Variants in ADAMTS16 observed in about 807,000 individuals in gnomAD.
ADAMTS16 encodes the protein ADAM metallopeptidase with thrombospondin type 1 motif 16.
Under a neutral mutation model 145.8 loss-of-function variants are expected in ADAMTS16, and 94 were observed. The observed-to-expected ratio is 0.64, with a 90% CI of 0.55 to 0.77. The LOEUF (loss-of-function observed/expected upper bound fraction) is 0.77, where lower values mean the gene tolerates loss of function less well. Ranked by LOEUF, ADAMTS16 falls within the 30% of genes least tolerant of loss-of-function variation. The probability of loss-of-function intolerance (pLI) is 0.00; values close to 1 mark genes in which losing one functional copy is unlikely to be tolerated. For missense variants in ADAMTS16, 1,585 were observed against 1,591.5 expected (o/e 1.00, Z 0.07); for synonymous variants, 659 against 604.3 (o/e 1.09, Z -1.33).
intron 3 of ADAMTS16, among the ~76,000 whole-genome samples, chr5:5,156,308 A>G (rs986992230): frequency 6.6e-6 from 1 of 151,890 alleles, no homozygotes; most frequent in East Asian, 1.9e-4. Flanking sequence ...TTTATCCCCA[A>G]CACTTTCAAT....
At chr5:5,179,842 T>G (rs1403708562) in intron 3 of ADAMTS16, among the ~76,000 whole-genome samples, 1 of 152,206 alleles carries the variant, frequency 6.6e-6, no homozygotes, top group African/African-American at 2.4e-5. Flanking sequence ...TCTACCAAGC[T>G]TACCTTTGTC....
intron 9 of ADAMTS16, among the ~76,000 whole-genome samples, chr5:5,201,322 C>T (rs1242757937): frequency 1.3e-5 from 2 of 151,850 alleles, no homozygotes; most frequent in Admixed American, 1.3e-4. Context: ...CATGATGAAC[C>T]CCAAATCCTA....
chr5:5,219,054 G>A (rs1005973338), intron 10 of ADAMTS16, among the ~76,000 whole-genome samples: 1 of 152,088 alleles, frequency 6.6e-6, no homozygotes. Context: ...GAAAACAGGA[G>A]TGTCTGTTCT....
At chr5:5,204,820 G>T (rs912551736) in intron 9 of ADAMTS16, among the ~76,000 whole-genome samples, 1 of 152,144 alleles carries the variant, frequency 6.6e-6, no homozygotes, top group Non-Finnish European at 1.5e-5. Context: ...AAGCACAGGT[G>T]CAATAGACAG....
At chr5:5,180,849 C>T (rs1198543622) in intron 3 of ADAMTS16, among the ~76,000 whole-genome samples, 33 of 152,114 alleles carry the variant, frequency 2.2e-4, no homozygotes, top group Admixed American at 2.2e-3. Flanking sequence ...AAAAAGGGGG[C>T]ACTGATGCCT....
At chr5:5,281,887 T>C (rs1738928791) in intron 18 of ADAMTS16, among the ~76,000 whole-genome samples, 1 of 152,186 alleles carries the variant, frequency 6.6e-6, no homozygotes, top group Admixed American at 6.5e-5. Context: ...CAGACACATA[T>C]CTGTGTGTGA....
chr5:5,174,088 C>A (rs530040047), intron 3 of ADAMTS16, among the ~76,000 whole-genome samples: 244 of 152,234 alleles, frequency 1.6e-3, no homozygotes, highest in African/African-American at 5.6e-3. Flanking sequence ...ATGTTCTTGT[C>A]TTTCAGACTG....
Position 5,182,236 on chromosome 5 carries a change from C to G in ADAMTS16, c.694C>G (p.Pro232Ala). Residue 232 changes from proline to alanine, a missense_variant, in exon 4 of 23, where the codon CCC becomes GCC. Pro to Ala is a conservative substitution (Grantham distance 27). Around this residue, in one of 3 missense-constraint regions of ADAMTS16, gnomAD observed 453 missense variants for 412.1 expected, o/e 1.10. Transcript: ENST00000274181. ...TSRTWELAHQ[P>A]LHSSDLRLGL... ...AAGGACATGGGAGCTGGCACATCAA[C>G]CCCTGCACAGCAGCGACCTTCGCCT... 6.2e-7 allele frequency: 1 copy of G among 1,614,190 alleles called. No homozygotes were observed. The highest frequency in any genetic ancestry group is 1.3e-5 in the African/African-American group (1 of 75,052).
chr5:5,146,952 G>T lies in ADAMTS16; in HGVS notation c.501+497G>T, dbSNP rs185352884. 4.4e-4 allele frequency among the ~76,000 whole-genome samples: 67 copies of T among 152,246 alleles called. 2 individuals are homozygous for T. The highest frequency in any genetic ancestry group is 3.7e-3 in the Admixed American group (56 of 15,304). On this transcript the variant is annotated intron_variant, in intron 3 of 22. Coordinates refer to ENST00000274181, the MANE Select transcript of ADAMTS16 (RefSeq NM_139056.4). ...TTACACATTAGGGCATTCATCCATGGCAGGGCGTTGCTGGTCTTCCTGGAC... is the reference window on the plus strand; with the variant it reads ...TTACACATTAGGGCATTCATCCATGTCAGGGCGTTGCTGGTCTTCCTGGAC...
chr5:5,156,890 G>GT (rs1734618979), intron 3 of ADAMTS16, among the ~76,000 whole-genome samples: 2 of 152,136 alleles, frequency 1.3e-5, no homozygotes, highest in Non-Finnish European at 2.9e-5. Context: ...CGTGATTGTG[G>GT]ACAACAGCTG....
intron 18 of ADAMTS16, among the ~76,000 whole-genome samples, chr5:5,301,324 C>T (rs1020380346): frequency 4.6e-5 from 7 of 152,186 alleles, no homozygotes; most frequent in African/African-American, 1.7e-4. Flanking sequence ...GCTTATTCCT[C>T]CTGCCTCAGC....
At chr5:5,307,417 C>T (rs1004421534) in intron 21 of ADAMTS16, among the ~76,000 whole-genome samples, 6 of 152,200 alleles carry the variant, frequency 3.9e-5, no homozygotes, top group African/African-American at 1.2e-4. Flanking sequence ...TTCTAATTTA[C>T]ACAGAGGCCC....
intron 17 of ADAMTS16, among the ~76,000 whole-genome samples, chr5:5,260,575 C>T (rs190516391): frequency 2.8e-4 from 42 of 152,272 alleles, no homozygotes; most frequent in Non-Finnish European, 5.6e-4. Context: ...CCTATGTAAC[C>T]ACTCTTTCTG....
intron 18 of ADAMTS16, among the ~76,000 whole-genome samples, chr5:5,270,421 G>A (rs910737637): frequency 2.6e-5 from 4 of 152,112 alleles, no homozygotes; most frequent in Non-Finnish European, 4.4e-5. Context: ...TCCCCACTTC[G>A]GGCATGATCC....
intron 17 of ADAMTS16, among the ~76,000 whole-genome samples, chr5:5,262,450 A>G (rs1004353875): frequency 3.3e-5 from 5 of 152,268 alleles, no homozygotes; most frequent in Admixed American, 6.5e-5. Flanking sequence ...AAATATGTGC[A>G]TCTTAGAATG....
At chr5:5,154,984 G>A (rs1038973789) in intron 3 of ADAMTS16, among the ~76,000 whole-genome samples, 1 of 152,046 alleles carries the variant, frequency 6.6e-6, no homozygotes, top group African/African-American at 2.4e-5. Flanking sequence ...TACTTTTAAA[G>A]AGAGTGCTTG....
chr5:5,146,028 G>T, intron 2 of ADAMTS16, 102 bp from the exon 3 acceptor site: 1 of 997,538 alleles, frequency 1.0e-6, no homozygotes, highest in East Asian at 2.6e-5. Flanking sequence ...TTTTTGACTG[G>T]GTGGAAAGGT....
intron 11 of ADAMTS16, among the ~76,000 whole-genome samples, chr5:5,231,472 T>A (rs2913621): frequency 6.6e-6 from 1 of 151,272 alleles, no homozygotes; most frequent in African/African-American, 2.4e-5. Context: ...GTGGCTCTAA[T>A]CTTGGAGATA....
chr5:5,155,054 G>C (rs1413331695), intron 3 of ADAMTS16, among the ~76,000 whole-genome samples: 1 of 152,154 alleles, frequency 6.6e-6, no homozygotes, highest in Non-Finnish European at 1.5e-5. Flanking sequence ...GAGAGTAAAA[G>C]AGTCCAAATG....
Sources: allele counts gnomAD v4.1 joint callset (sites outside exome capture counted in the v4.1 genomes callset), GRCh38; gene constraint gnomAD v4.1.1; regional missense constraint gnomAD v4.1.1; transcripts MANE v1.5; gene names NCBI Gene and HGNC (gene_info 2026-07-23, HGNC 2026-07-21).